DIPK1C: variants seen among roughly 807,000 people sequenced by gnomAD.
The protein encoded by DIPK1C is familial non-conventional Alzheimer's dementia.
Under a neutral mutation model 28.0 loss-of-function variants are expected in DIPK1C, and 33 were observed. That is an observed-to-expected ratio of 1.18 (90% CI 0.89 to 1.58). The LOEUF is 1.58. DIPK1C is among the 40% of genes most tolerant of loss of function. DIPK1C has a pLI of 0.00. For synonymous variants in DIPK1C, 255 were observed against 248.8 expected, an observed-to-expected ratio of 1.02 and a Z score of -0.23; for missense variants, 569 against 568.5, an observed-to-expected ratio of 1.00 and a Z score of -0.01.
chr18:74,452,714 C>T (rs1986426123), intron 1 of DIPK1C, among the ~76,000 whole-genome samples: 1 of 152,002 alleles, frequency 6.6e-6, no homozygotes. Context: ...CTCAAGAAAA[C>T]AAACAAAAAC....
In DIPK1C at chr18:74,441,808, G is replaced by A. The variant is rs893303757; in HGVS notation, c.1041+144C>T. ...AGAGCACGATTGTCCCATCCCCACC[G>A]TCCTGCCTTTATTGACCACATCGAT... is the stretch of plus-strand genomic sequence containing the variant. On this transcript the variant is annotated intron_variant, in intron 3 of 3. Coordinates refer to ENST00000343998, the MANE Select transcript of DIPK1C (RefSeq NM_001044369.3). 9.0e-5 allele frequency: 86 copies of A among 953,386 alleles called. 1 individual carries two copies. Among genetic ancestry groups the A allele is most frequent in the South Asian group, 1.3e-4 (8 of 60,272 alleles). The allele number at this position is 953,386 out of a possible 1,614,324, so 59.1% of individuals were successfully genotyped here.
Position 74,436,602 on chromosome 18 carries a change from C to A in DIPK1C, c.1159G>T (p.Val387Phe). 6.2e-7 allele frequency: 1 copy of A among 1,613,248 alleles called. No individual in the cohort carries two copies. ...GCTCTCCGGGTGTTCCCACTGGGGA[C>A]CCCAGGGTCTGCACATTCCTGCACC... ...EAVQECADPG[V>F]PSGNTRRAAS... The change falls in exon 4 of 4, where the codon GTC becomes TTC. Residue 387 changes from valine (V) to phenylalanine (F), a missense_variant. Physicochemically the swap from Val to Phe is conservative, Grantham distance 50 (BLOSUM62 -1). Transcript: ENST00000343998.
At chr18:74,440,803 C>T (rs917412155) in intron 3 of DIPK1C, among the ~76,000 whole-genome samples, 7 of 152,342 alleles carry the variant, frequency 4.6e-5, no homozygotes, top group South Asian at 2.1e-4. Context: ...TGAAAGTTAT[C>T]TTCTTCCCAC....
intron 1 of DIPK1C, among the ~76,000 whole-genome samples, chr18:74,448,020 T>C (rs1599039520): frequency 6.6e-6 from 1 of 152,004 alleles, no homozygotes; most frequent in African/African-American, 2.4e-5. Flanking sequence ...CCGGATGGGG[T>C]GTTTCTCCTA....
intron 1 of DIPK1C, among the ~76,000 whole-genome samples, chr18:74,450,384 C>T (rs1247160668): frequency 6.6e-6 from 1 of 152,176 alleles, no homozygotes; most frequent in Non-Finnish European, 1.5e-5. Context: ...GAAAAGCACA[C>T]AACAGGACTC....
chr18:74,461,002 G>C (rs982290685), upstream of DIPK1C, among the ~76,000 whole-genome samples: 3 of 151,982 alleles, frequency 2.0e-5, no homozygotes, highest in Non-Finnish European at 4.4e-5. Context: ...CAGAGCCAGG[G>C]CTGCTGCTGC....
intron 3 of DIPK1C, among the ~76,000 whole-genome samples, chr18:74,436,925 G>T (rs551612821): frequency 8.0e-5 from 12 of 149,652 alleles, no homozygotes; most frequent in Non-Finnish European, 1.8e-4. Flanking sequence ...AACAAAAGAC[G>T]CCTCCGAGAG....
intron 1 of DIPK1C, among the ~76,000 whole-genome samples, chr18:74,455,024 C>T (rs1306381052): frequency 6.6e-6 from 1 of 152,186 alleles, no homozygotes; most frequent in Non-Finnish European, 1.5e-5. Flanking sequence ...TGGCCTCCGA[C>T]ATCGTTCTTT....
At chr18:74,441,299 G>T (rs1568261796) in intron 3 of DIPK1C, among the ~76,000 whole-genome samples, 1 of 152,144 alleles carries the variant, frequency 6.6e-6, no homozygotes. Flanking sequence ...CCTCCTCCGG[G>T]TATGATCAGC....
At position 74,457,273 on chromosome 18, in the gene DIPK1C, C is replaced by T. The variant is rs1376549704; in HGVS notation, c.-14G>A. The T allele has an allele frequency of 1.3e-5, 13 of 986,420 alleles. No individual in the cohort carries two copies. Among genetic ancestry groups the T allele is most frequent in the Non-Finnish European group, 1.6e-5 (13 of 831,540 alleles). The allele number at this position is 986,420 out of a possible 1,614,324, so 61.1% of individuals were successfully genotyped here. On this transcript the variant is annotated 5_prime_UTR_variant, in exon 1 of 4. Coordinates refer to ENST00000343998, the MANE Select transcript of DIPK1C (RefSeq NM_001044369.3). ...CGCCCGCGCCATGGCCAGCCCTGCC[C>T]GCGCCCGGGCCCCACCGCCGCCCGC... is the stretch of plus-strand genomic sequence containing the variant.
intron 1 of DIPK1C, among the ~76,000 whole-genome samples, chr18:74,453,264 T>C (rs1483220873): frequency 6.6e-6 from 1 of 152,190 alleles, no homozygotes; most frequent in Non-Finnish European, 1.5e-5. Flanking sequence ...TCCTTTTGTG[T>C]GTTTGTTTTT....
chr18:74,450,491 G>C (rs1238100368), intron 1 of DIPK1C, among the ~76,000 whole-genome samples: 1 of 152,214 alleles, frequency 6.6e-6, no homozygotes, highest in East Asian at 1.9e-4. Flanking sequence ...TTGCAACTGA[G>C]AGAGGAGGCT....
chr18:74,457,167 C>G lies in DIPK1C; in HGVS notation c.93G>C (p.Trp31Cys). ...GRGTLLAFAA[W>C]TAGWVLAAAL... ...CGGCCGCCAGCACCCAGCCCGCGGTCCACGCGGCGAAGGCGAGGAGCGTGC... is the reference window on the plus strand; with the variant it reads ...CGGCCGCCAGCACCCAGCCCGCGGTGCACGCGGCGAAGGCGAGGAGCGTGC... Residue 31 changes from tryptophan to cysteine, a missense_variant, in exon 1 of 4, where the codon TGG (tryptophan) becomes TGC (cysteine). Coordinates refer to ENST00000343998, the MANE Select transcript of DIPK1C (RefSeq NM_001044369.3). 7.3e-7 allele frequency: 1 copy of G among 1,376,326 alleles called. No homozygotes were observed. Among genetic ancestry groups the G allele is most frequent in the East Asian group, 3.2e-5 (1 of 31,430 alleles). The allele number at this position is 1,376,326 out of a possible 1,614,324, so 85.3% of individuals were successfully genotyped here. A position where few individuals can be genotyped will look rare whatever the true frequency, so the allele number is the denominator to read the frequency against.
intron 2 of DIPK1C, 136 bp downstream of exon 2, chr18:74,446,470 G>C: frequency 1.4e-6 from 1 of 740,328 alleles, no homozygotes; most frequent in South Asian, 4.2e-5. Flanking sequence ...TCTGGTAGGT[G>C]GGAGTTCTCT....
At chr18:74,462,596 G>A (rs572966963), upstream of DIPK1C, among the ~76,000 whole-genome samples, 2 of 151,634 alleles carry the variant, frequency 1.3e-5, no homozygotes, top group African/African-American at 2.4e-5. Context: ...TTATGTGGAC[G>A]TATGTTTTTA....
intron 1 of DIPK1C, among the ~76,000 whole-genome samples, chr18:74,451,083 T>C (rs1324496328): frequency 6.6e-6 from 1 of 152,122 alleles, no homozygotes; most frequent in Non-Finnish European, 1.5e-5. Flanking sequence ...ATCTTCTTCC[T>C]GGGGGAGACG....
chr18:74,441,557 A>C (rs566693644), intron 3 of DIPK1C, among the ~76,000 whole-genome samples: 1 of 151,942 alleles, frequency 6.6e-6, no homozygotes, highest in African/African-American at 2.4e-5. Context: ...TTTCTGTCTA[A>C]CCTCTAGTTA....
chr18:74,441,926 C>T (rs767879908), intron 3 of DIPK1C, 26 bp downstream of exon 3: 2 of 1,605,190 alleles, frequency 1.2e-6, no homozygotes, highest in South Asian at 2.2e-5. Context: ...ACCCTCTCCT[C>T]CCCCAGCCCT....
chr18:74,460,371 T>G (rs1012647493), upstream of DIPK1C, among the ~76,000 whole-genome samples: 1 of 152,252 alleles, frequency 6.6e-6, no homozygotes, highest in African/African-American at 2.4e-5. Context: ...TGTTTTTGTT[T>G]TGTTTTTAAA....
Sources: allele counts gnomAD v4.1 joint callset (sites outside exome capture counted in the v4.1 genomes callset), GRCh38; gene constraint gnomAD v4.1.1; transcripts MANE v1.5; gene names NCBI Gene and HGNC (gene_info 2026-07-23, HGNC 2026-07-21).